ST3GAL1: variants seen among roughly 807,000 people sequenced by gnomAD.
The protein encoded by ST3GAL1 is CMP-N-acetylneuraminate-beta-galactosamide-alpha-2,3-sialyltransferase 1.
A neutral mutation model predicts 34.1 loss-of-function variants in ST3GAL1; 16 were observed. The ratio of observed to expected loss-of-function variants is 0.47; its 90% CI spans 0.32 to 0.71. ST3GAL1 has a LOEUF of 0.71. Ranked by LOEUF, ST3GAL1 falls within the 30% of genes least tolerant of loss-of-function variation. ST3GAL1 has a pLI of 0.04. For synonymous variants in ST3GAL1, 191 were observed against 184.7 expected (o/e 1.03, Z -0.28); for missense variants, 353 against 447.4 (o/e 0.79, Z 1.90).
At chr8:133,541,836 A>G (rs1818542801) in intron 2 of ST3GAL1, among the ~76,000 whole-genome samples, 1 of 152,186 alleles carries the variant, frequency 6.6e-6, no homozygotes, top group Non-Finnish European at 1.5e-5. Flanking sequence ...AAGTAACAGC[A>G]AGGGAAAGGG....
chr8:133,495,160 C>T (rs72720215), intron 3 of ST3GAL1, among the ~76,000 whole-genome samples: 19,894 of 152,026 alleles, frequency 0.13, 1,806 homozygotes, highest in East Asian at 0.52. Flanking sequence ...CCTGGTGATC[C>T]GCCTGCCTCA....
chr8:133,455,181 C>G lies in ST3GAL1; in HGVS notation c.*4583G>C, dbSNP rs1021117151. 1 of 152,286 alleles carries G rather than the reference C, an allele frequency of 6.6e-6. No homozygotes were observed. Among genetic ancestry groups the G allele is most frequent in the Non-Finnish European group, 1.5e-5 (1 of 68,086 alleles). 9.4% of individuals were successfully genotyped at this position (152,286 alleles called of 1,614,324 possible). A position where few individuals can be genotyped will look rare whatever the true frequency, so the allele number is the denominator to read the frequency against. ...CCCTAAGGGGCGGGGGGCTGGAGGG[C>G]GAGGCCCTGAGACAGGCTAGGGTTA... On this transcript the variant is annotated 3_prime_UTR_variant, in exon 10 of 10. Coordinates refer to ENST00000522652, the MANE Select transcript of ST3GAL1 (RefSeq NM_173344.3).
intron 1 of ST3GAL1, among the ~76,000 whole-genome samples, chr8:133,555,017 G>A (rs1193882212): frequency 2.6e-5 from 4 of 152,048 alleles, no homozygotes; most frequent in Non-Finnish European, 5.9e-5. Flanking sequence ...GTGAGCCACC[G>A]CGCCCAGCCT....
At chr8:133,534,619 C>G (rs929149685) in intron 2 of ST3GAL1, among the ~76,000 whole-genome samples, 4 of 152,202 alleles carry the variant, frequency 2.6e-5, no homozygotes, top group Non-Finnish European at 4.4e-5. Flanking sequence ...GTGAAAGGAC[C>G]AGGAGCCCAC....
At chr8:133,499,985 C>T (rs66699288) in intron 2 of ST3GAL1, among the ~76,000 whole-genome samples, 5,842 of 152,196 alleles carry the variant, frequency 0.038, 128 homozygotes, top group Middle Eastern at 0.071. Context: ...AGGCATTTTG[C>T]GAAGGAACAG....
intron 2 of ST3GAL1, among the ~76,000 whole-genome samples, chr8:133,506,539 C>T (rs556779130): frequency 7.2e-5 from 11 of 152,298 alleles, no homozygotes; most frequent in African/African-American, 2.6e-4. Flanking sequence ...AATCCCAACA[C>T]TTTGGGAGGC....
chr8:133,503,437 A>G (rs1338238582), intron 2 of ST3GAL1, among the ~76,000 whole-genome samples: 2 of 152,010 alleles, frequency 1.3e-5, no homozygotes, highest in Non-Finnish European at 2.9e-5. Flanking sequence ...TGCCTGTAAC[A>G]ATTAGGATCC....
At chr8:133,498,460 A>G (rs1817037829) in intron 3 of ST3GAL1, among the ~76,000 whole-genome samples, 1 of 151,948 alleles carries the variant, frequency 6.6e-6, no homozygotes, top group South Asian at 2.1e-4. Flanking sequence ...GCTGGTGTCC[A>G]GCTAGGGCAG....
In ST3GAL1 at chr8:133,508,855, A is replaced by G. The variant is rs534528544; in HGVS notation, c.-428-9666T>C. On this transcript the variant is annotated intron_variant, in intron 2 of 9. Transcript: ENST00000522652. The surrounding 1 kb of genome is among the most constrained non-coding windows in gnomAD (Gnocchi z 4.1). The stretch of plus-strand genomic sequence containing the variant: ...ATAATGGTAAATGCTTTTGCACAAA[A>G]CCCCATAAGACTTAGAGGCAAGCAG... Among the ~76,000 whole-genome samples, 5 of 152,054 alleles carry G rather than the reference A, an allele frequency of 3.3e-5. No individual in the cohort carries two copies. Among genetic ancestry groups the G allele is most frequent in the Non-Finnish European group, 5.9e-5 (4 of 68,004 alleles).
intron 2 of ST3GAL1, among the ~76,000 whole-genome samples, chr8:133,501,276 G>A (rs1471462694): frequency 1.3e-5 from 2 of 152,138 alleles, no homozygotes; most frequent in African/African-American, 4.8e-5. Context: ...CAGGCTCCTA[G>A]TCATAACCAG....
rs1815879122 is a variant in ST3GAL1 at position 133,469,781 on chromosome 8, G to C, written c.307-3691C>G. On this transcript the variant is annotated intron_variant, in intron 5 of 9. Coordinates refer to ENST00000522652, the MANE Select transcript of ST3GAL1 (RefSeq NM_173344.3). The surrounding 1 kb of genome is among the most constrained non-coding windows in gnomAD (Gnocchi z 4.3). Reference sequence around the variant, plus strand: ...GCACTGCAGAGACAGGTGGGAAGGAGGGACGGCAGAAATGACCTCCGGGCT... The same window carrying C: ...GCACTGCAGAGACAGGTGGGAAGGACGGACGGCAGAAATGACCTCCGGGCT... Among the ~76,000 whole-genome samples the C allele has an allele frequency of 6.6e-6, 1 of 152,212 alleles. No individual in the cohort carries two copies. Among genetic ancestry groups the C allele is most frequent in the African/African-American group, 2.4e-5 (1 of 41,458 alleles).
At chr8:133,460,547 G>A (rs1042560593) in intron 9 of ST3GAL1, among the ~76,000 whole-genome samples, 2 of 152,220 alleles carry the variant, frequency 1.3e-5, no homozygotes, top group Non-Finnish European at 2.9e-5. Flanking sequence ...GACAAACCCT[G>A]TGCATTTATT....
intron 2 of ST3GAL1, among the ~76,000 whole-genome samples, chr8:133,506,959 T>A (rs1331964503): frequency 6.7e-6 from 1 of 148,424 alleles, no homozygotes; most frequent in Non-Finnish European, 1.5e-5. Flanking sequence ...AAATAAATAA[T>A]AAATAAAAAT....
intron 3 of ST3GAL1, among the ~76,000 whole-genome samples, chr8:133,492,227 T>C (rs1473033110): frequency 6.6e-6 from 1 of 152,046 alleles, no homozygotes; most frequent in Non-Finnish European, 1.5e-5. Flanking sequence ...GCGTGGACCA[T>C]GGAGAGACTG....
intron 2 of ST3GAL1, among the ~76,000 whole-genome samples, chr8:133,516,474 T>C (rs1817651525): frequency 6.6e-6 from 1 of 152,190 alleles, no homozygotes; most frequent in South Asian, 2.1e-4. Flanking sequence ...CCCCATCCAT[T>C]CTTGGGGAAT....
Position 133,500,511 on chromosome 8 carries a change from A to G in ST3GAL1, c.-428-1322T>C, listed in dbSNP as rs1817115947. The stretch of plus-strand genomic sequence containing the variant: ...TTATAGGGAGGAGACACAGCTTAAC[A>G]TAACTAATGTCACCTGGGTCTGAGG... On this transcript the variant is annotated intron_variant, in intron 2 of 9. Transcript: ENST00000522652. 2.6e-5 allele frequency among the ~76,000 whole-genome samples: 4 copies of G among 152,296 alleles called. No homozygotes were observed. In the South Asian group the frequency reaches 8.3e-4, roughly 32 times the overall value.
chr8:133,535,525 A>ATTTTTTTTTTTTTTTTTTTTTTTTT (rs112708766), intron 2 of ST3GAL1, among the ~76,000 whole-genome samples: 2 of 144,934 alleles, frequency 1.4e-5, no homozygotes, highest in African/African-American at 5.5e-5. Context: ...GTATTTTTTA[A>ATTTTTTTTTTTTTTTTTTTTTTTTT]TTTTTTTTTT....
intron 3 of ST3GAL1, among the ~76,000 whole-genome samples, chr8:133,485,021 C>T (rs973003159): frequency 2.6e-5 from 4 of 152,202 alleles, no homozygotes; most frequent in African/African-American, 9.6e-5. Context: ...ATCCACATGG[C>T]TCAAATCCCA....
chr8:133,536,885 G>A (rs1375554211), intron 2 of ST3GAL1, among the ~76,000 whole-genome samples: 1 of 152,058 alleles, frequency 6.6e-6, no homozygotes, highest in Non-Finnish European at 1.5e-5. Context: ...CTGAAACCCT[G>A]CCTATCCTCT....
Sources: gnomAD v4.1 joint callset for allele counts (sites outside exome capture counted in the v4.1 genomes callset) on GRCh38, gnomAD v4.1.1 for gene constraint, Gnocchi (gnomAD v3.1) non-coding constraint, MANE v1.5 for transcripts, NCBI Gene and HGNC (gene_info 2026-07-23, HGNC 2026-07-21) for gene names.